TCF4: variants seen among roughly 807,000 people sequenced by gnomAD.
The protein encoded by TCF4 is SL3-3 enhancer factor 2.
A neutral mutation model predicts 82.1 loss-of-function variants in TCF4; 3 were observed. The observed-to-expected ratio is 0.04, with a 90% confidence interval of 0.02 to 0.09. The LOEUF is 0.09. TCF4 is among the 10% of genes least tolerant of loss of function. The pLI, the probability that TCF4 is intolerant of heterozygous loss-of-function variation, is 1.00. For synonymous variants in TCF4, 276 were observed against 309.6 expected (o/e 0.89, Z 1.14); for missense variants, 518 against 852.7 (o/e 0.61, Z 4.89).
intron 13 of TCF4, among the ~76,000 whole-genome samples, chr18:55,258,449 C>G (rs2057362228): frequency 6.6e-6 from 1 of 152,084 alleles, no homozygotes. Context: ...AATGACTGTG[C>G]ATCCTAATTT....
At chr18:55,431,291 T>C (rs1260643575) in intron 5 of TCF4, among the ~76,000 whole-genome samples, 5 of 152,132 alleles carry the variant, frequency 3.3e-5, no homozygotes. Context: ...TTGTTTTTTG[T>C]TTTTTCAGAC....
At chr18:55,581,704 A>G (rs1391260976) in intron 3 of TCF4, among the ~76,000 whole-genome samples, 2 of 152,184 alleles carry the variant, frequency 1.3e-5, no homozygotes. Context: ...TTCCGCCTCA[A>G]TGAATTCACT....
chr18:55,477,674 G>C (rs1305157228), intron 3 of TCF4, among the ~76,000 whole-genome samples: 1 of 152,178 alleles, frequency 6.6e-6, no homozygotes, highest in African/African-American at 2.4e-5. Flanking sequence ...CGGAAAAATG[G>C]ACCAAGGTTT....
At chr18:55,312,357 T>G (rs2072780139) in intron 8 of TCF4, among the ~76,000 whole-genome samples, 1 of 152,176 alleles carries the variant, frequency 6.6e-6, no homozygotes, top group Admixed American at 6.5e-5. Flanking sequence ...TATTAAAGAT[T>G]CCAAAAACAA....
chr18:55,411,659 A>C (rs1200034544), intron 5 of TCF4, among the ~76,000 whole-genome samples: 5 of 152,204 alleles, frequency 3.3e-5, no homozygotes, highest in Admixed American at 2.6e-4. Flanking sequence ...TATCAGCAAG[A>C]CTTTTCCTAA....
At chr18:55,608,491 C>T (rs930332887) in intron 2 of TCF4, among the ~76,000 whole-genome samples, 1 of 151,152 alleles carries the variant, frequency 6.6e-6, no homozygotes, top group African/African-American at 2.4e-5. Context: ...ATACGCATCT[C>T]CATTCCAATT....
chr18:55,585,198 T>C (rs2097627826), intron 3 of TCF4, 82 bp downstream of exon 3: 1 of 1,362,008 alleles, frequency 7.3e-7, no homozygotes, highest in Non-Finnish European at 1.1e-6. Context: ...TTCAGAACTC[T>C]TCAACAGAGC....
At chr18:55,299,716 C>T (rs2067570225) in intron 8 of TCF4, among the ~76,000 whole-genome samples, 1 of 152,066 alleles carries the variant, frequency 6.6e-6, no homozygotes, top group Admixed American at 6.6e-5. Context: ...AAAAATGTTG[C>T]TGGGTAACAT....
intron 3 of TCF4, among the ~76,000 whole-genome samples, chr18:55,566,266 A>T (rs376632188): frequency 6.6e-6 from 1 of 152,030 alleles, no homozygotes; most frequent in African/African-American, 2.4e-5. Flanking sequence ...ATAGACATGG[A>T]TGTAGTCTAT....
intron 3 of TCF4, among the ~76,000 whole-genome samples, chr18:55,478,078 A>G (rs2096336201): frequency 6.6e-6 from 1 of 152,248 alleles, no homozygotes; most frequent in South Asian, 2.1e-4. Context: ...GACGATAACC[A>G]GACATCTTGA....
intron 3 of TCF4, among the ~76,000 whole-genome samples, chr18:55,574,071 G>A (rs556830843): frequency 4.2e-4 from 64 of 152,228 alleles, no homozygotes; most frequent in African/African-American, 7.9e-4. Flanking sequence ...CAAAAAGGAC[G>A]AATGGAACTT....
rs1443277187 is a variant in TCF4 at position 55,297,222 on chromosome 18, GGAAA to G, written c.550-17570_550-17567del. On this transcript the variant is annotated intron_variant, in intron 8 of 19. Transcript: ENST00000354452. ...TTCCAAATAGAAAAAAAAAAAAAAA[GGAAA>G]GAAAGAGTAAAAACACTCATCAGAA... 3.2e-4 allele frequency among the ~76,000 whole-genome samples: 31 copies of G among 96,632 alleles called. 1 individual carries two copies. Among genetic ancestry groups the G allele is most frequent in the African/African-American group, 1.3e-3 (30 of 22,672 alleles). The allele number at this position is 96,632 out of a possible 152,430, so 63.4% of individuals were successfully genotyped here.
intron 3 of TCF4, chr18:55,553,511 C>G (rs1417747674): frequency 6.6e-6 from 1 of 152,102 alleles, no homozygotes; most frequent in Non-Finnish European, 1.5e-5. Context: ...CATGGATATT[C>G]TTTGTTCCAG....
At chr18:55,243,952 A>G (rs1258604736) in intron 15 of TCF4, among the ~76,000 whole-genome samples, 1 of 152,214 alleles carries the variant, frequency 6.6e-6, no homozygotes, top group Non-Finnish European at 1.5e-5. Flanking sequence ...ACATTGCTCA[A>G]TGCTAGTACA....
At chr18:55,584,104 T>C (rs924677168) in intron 3 of TCF4, among the ~76,000 whole-genome samples, 12 of 152,162 alleles carry the variant, frequency 7.9e-5, no homozygotes, top group African/African-American at 2.9e-4. Context: ...AGGCAGGCAA[T>C]AGAAGGAGAA....
rs76153139 is a variant in TCF4 at position 55,496,818 on chromosome 18, T to C, written c.146-32681A>G. On this transcript the variant is annotated intron_variant, in intron 3 of 19. Coordinates refer to ENST00000354452, the MANE Select transcript of TCF4 (RefSeq NM_001083962.2). Reference sequence around the variant, plus strand: ...AATAGTAGAATATATACAGGATCCATCAATTGCTGAAACACAGCAGTCTAC... The same window carrying C: ...AATAGTAGAATATATACAGGATCCACCAATTGCTGAAACACAGCAGTCTAC... 1.3e-3 allele frequency among the ~76,000 whole-genome samples: 194 copies of C among 146,402 alleles called. 1 individual carries two copies. The highest frequency in any genetic ancestry group is 4.7e-3 in the African/African-American group (185 of 39,738).
intron 2 of TCF4, among the ~76,000 whole-genome samples, chr18:55,602,257 GATCATAAC>G (rs2097697854): frequency 6.6e-6 from 1 of 152,168 alleles, no homozygotes; most frequent in African/African-American, 2.4e-5. Context: ...ACTTGCTCAA[GATCATAAC>G]ATTAGTAAGC....
At chr18:55,409,941 C>A (rs940677535) in intron 5 of TCF4, among the ~76,000 whole-genome samples, 1 of 152,122 alleles carries the variant, frequency 6.6e-6, no homozygotes, top group African/African-American at 2.4e-5. Flanking sequence ...CTGGTTCTCT[C>A]CTACAGAATC....
chr18:55,533,231 G>A (rs1263190184), intron 3 of TCF4, among the ~76,000 whole-genome samples: 1 of 152,158 alleles, frequency 6.6e-6, no homozygotes. Context: ...GCGTATGGCT[G>A]CAGGGCATGC....
Sources: gnomAD v4.1 joint callset for allele counts (sites outside exome capture counted in the v4.1 genomes callset) on GRCh38, gnomAD v4.1.1 for gene constraint, MANE v1.5 for transcripts, NCBI Gene and HGNC (gene_info 2026-07-23, HGNC 2026-07-21) for gene names.